The following MLLT3 variants were observed in gnomAD, a reference collection of about 807,000 sequenced individuals.
The protein encoded by MLLT3 is MLLT3 super elongation complex subunit, also known as protein AF-9.
MLLT3 carries 4 observed loss-of-function variants against 53.2 expected under a neutral mutation model. The observed-to-expected ratio is 0.08, with a 90% confidence interval of 0.04 to 0.17. The LOEUF is 0.17. Ranked by LOEUF, MLLT3 falls within the 10% of genes least tolerant of loss-of-function variation. The pLI is 1.00. For missense variants in MLLT3, 569 were observed against 684.0 expected, an observed-to-expected ratio of 0.83 and a Z score of 1.87; for synonymous variants, 283 against 230.6, an observed-to-expected ratio of 1.23 and a Z score of -2.06.
chr9:20,525,733 G>A (rs74664151), intron 2 of MLLT3, among the ~76,000 whole-genome samples: 4 of 152,136 alleles, frequency 2.6e-5, no homozygotes, highest in Non-Finnish European at 5.9e-5. Context: ...ATACAACCTT[G>A]TTGCTGTAAG....
intron 5 of MLLT3, among the ~76,000 whole-genome samples, chr9:20,397,425 A>G (rs923529486): frequency 1.3e-5 from 2 of 152,138 alleles, no homozygotes; most frequent in African/African-American, 4.8e-5. Flanking sequence ...AGCGATTGGC[A>G]AGAGTGAGTA....
chr9:20,359,288 T>C (rs1313898538), intron 8 of MLLT3, among the ~76,000 whole-genome samples: 2 of 151,960 alleles, frequency 1.3e-5, no homozygotes, highest in Non-Finnish European at 2.9e-5. Flanking sequence ...TGATTGGCCA[T>C]GATGCATATG....
intron 4 of MLLT3, among the ~76,000 whole-genome samples, chr9:20,431,357 C>T (rs1586944411): frequency 6.6e-6 from 1 of 152,030 alleles, no homozygotes; most frequent in Admixed American, 6.6e-5. Flanking sequence ...CTTAATTCTC[C>T]AGGTAATTCT....
In MLLT3 at chr9:20,416,037, A is replaced by G. The variant is rs530613847; in HGVS notation, c.421-1612T>C. 1.2e-4 allele frequency among the ~76,000 whole-genome samples: 19 copies of G among 152,136 alleles called. 1 individual carries two copies. The South Asian group carries it at 3.9e-3, about 32-fold the overall frequency. ...ATTAGATAATTCCTTAGAAAACATCATAATCTGAGATTTAAAAGGAAAATT... is the reference window on the plus strand; with the variant it reads ...ATTAGATAATTCCTTAGAAAACATCGTAATCTGAGATTTAAAAGGAAAATT... On this transcript the variant is annotated intron_variant, in intron 4 of 10. Coordinates refer to ENST00000380338, the MANE Select transcript of MLLT3 (RefSeq NM_004529.4).
chr9:20,596,811 T>C (rs1370851496), intron 2 of MLLT3, among the ~76,000 whole-genome samples: 2 of 152,246 alleles, frequency 1.3e-5, no homozygotes, highest in African/African-American at 4.8e-5. Flanking sequence ...TAAATCAGCT[T>C]GTCAATTTAC....
At chr9:20,521,368 G>A (rs1818053023) in intron 2 of MLLT3, among the ~76,000 whole-genome samples, 1 of 152,054 alleles carries the variant, frequency 6.6e-6, no homozygotes, top group Non-Finnish European at 1.5e-5. Flanking sequence ...ACTGCACCCA[G>A]CCTAAGCTGT....
chr9:20,606,564 T>C (rs1196889613), intron 2 of MLLT3, among the ~76,000 whole-genome samples: 2 of 152,122 alleles, frequency 1.3e-5, no homozygotes, highest in Non-Finnish European at 2.9e-5. Context: ...ACAATTTTAC[T>C]CTGCACCAAT....
chr9:20,615,364 A>G (rs1820804944), intron 2 of MLLT3, among the ~76,000 whole-genome samples: 2 of 97,446 alleles, frequency 2.1e-5, no homozygotes, highest in Non-Finnish European at 4.3e-5. Flanking sequence ...CCATGTGAAA[A>G]AAAAAAAAAA....
At chr9:20,507,708 A>G (rs1825416347) in intron 2 of MLLT3, among the ~76,000 whole-genome samples, 1 of 151,498 alleles carries the variant, frequency 6.6e-6, no homozygotes, top group South Asian at 2.1e-4. Flanking sequence ...AAATTAACCA[A>G]TCACAAAATG....
At chr9:20,505,893 G>A (rs745465342) in intron 2 of MLLT3, among the ~76,000 whole-genome samples, 5 of 152,116 alleles carry the variant, frequency 3.3e-5, no homozygotes, top group Non-Finnish European at 5.9e-5. Flanking sequence ...TGTGATCCCA[G>A]CTCAGCCATT....
chr9:20,415,381 A>G (rs949567495), intron 4 of MLLT3: 22 of 709,444 alleles, frequency 3.1e-5, no homozygotes, highest in Non-Finnish European at 3.8e-5. Flanking sequence ...ATATCAGAAT[A>G]TATAACCTAT....
At chr9:20,450,609 C>G (rs1184241323) in intron 3 of MLLT3, among the ~76,000 whole-genome samples, 1 of 152,142 alleles carries the variant, frequency 6.6e-6, no homozygotes, top group East Asian at 1.9e-4. Flanking sequence ...CTGAAATGTC[C>G]TCCCTCCCAG....
chr9:20,451,556 C>A (rs1823839456), intron 3 of MLLT3, among the ~76,000 whole-genome samples: 1 of 152,114 alleles, frequency 6.6e-6, no homozygotes, highest in African/African-American at 2.4e-5. Flanking sequence ...GAAAAAAGTA[C>A]TCATCAACTT....
At chr9:20,453,315 C>T (rs1258779369) in intron 3 of MLLT3, among the ~76,000 whole-genome samples, 1 of 152,124 alleles carries the variant, frequency 6.6e-6, no homozygotes, top group Non-Finnish European at 1.5e-5. Context: ...AATCCTAGCA[C>T]TTTGGGAGGC....
intron 2 of MLLT3, among the ~76,000 whole-genome samples, chr9:20,585,717 G>A (rs1272333505): frequency 1.3e-5 from 2 of 152,186 alleles, no homozygotes; most frequent in Non-Finnish European, 2.9e-5. Context: ...TTGGCAAGGT[G>A]TCGCAAAATA....
chr9:20,567,853 G>A (rs1356273579), intron 2 of MLLT3, among the ~76,000 whole-genome samples: 8 of 152,102 alleles, frequency 5.3e-5, no homozygotes, highest in Admixed American at 5.2e-4. Flanking sequence ...CCACTGGGGA[G>A]CAAGGGGTTT....
At chr9:20,563,831 T>C (rs1388601466) in intron 2 of MLLT3, among the ~76,000 whole-genome samples, 1 of 152,020 alleles carries the variant, frequency 6.6e-6, no homozygotes, top group African/African-American at 2.4e-5. Flanking sequence ...GAAAGTGAGT[T>C]GCAGGAATGA....
chr9:20,396,948 A>T (rs1297439593), intron 5 of MLLT3, among the ~76,000 whole-genome samples: 2 of 152,172 alleles, frequency 1.3e-5, no homozygotes, highest in Non-Finnish European at 2.9e-5. Flanking sequence ...CTAGTTAAAC[A>T]CATACACACA....
intron 2 of MLLT3, chr9:20,533,048 G>A: frequency 3.8e-6 from 1 of 261,850 alleles, no homozygotes; most frequent in Non-Finnish European, 7.5e-6. Context: ...ATCCCATTGA[G>A]CTGGCTGTCT....
Sources: gnomAD v4.1 joint callset for allele counts (sites outside exome capture counted in the v4.1 genomes callset) on GRCh38, gnomAD v4.1.1 for gene constraint, MANE v1.5 for transcripts, NCBI Gene and HGNC (gene_info 2026-07-23, HGNC 2026-07-21) for gene names.